Variants in DARS2 observed in about 807,000 individuals in gnomAD.
DARS2 encodes the protein aspartyl-tRNA synthetase 2, mitochondrial, also known as aspartate--tRNA ligase, mitochondrial.
In DARS2, 63 loss-of-function variants were observed where a neutral mutation model predicts 83.0. The observed-to-expected ratio is 0.76, with a 90% confidence interval of 0.62 to 0.94. The LOEUF (loss-of-function observed/expected upper bound fraction) is 0.94. Ranked by LOEUF, DARS2 falls within the 40% of genes least tolerant of loss-of-function variation. The probability of loss-of-function intolerance (pLI) is 0.00; values close to 1 mark genes in which losing one functional copy is unlikely to be tolerated. For synonymous variants in DARS2, 250 were observed against 269.3 expected, an observed-to-expected ratio of 0.93 and a Z score of 0.70; for missense variants, 675 against 774.4, an observed-to-expected ratio of 0.87 and a Z score of 1.52.
intron 6 of DARS2, among the ~76,000 whole-genome samples, chr1:173,834,221 A>C (rs1250596926): frequency 6.6e-6 from 1 of 152,228 alleles, no homozygotes; most frequent in Non-Finnish European, 1.5e-5. Flanking sequence ...ATAGTTCAGT[A>C]GACAAGAATC....
chr1:173,829,355 A>G (rs190153902), intron 3 of DARS2, among the ~76,000 whole-genome samples: 28 of 152,230 alleles, frequency 1.8e-4, no homozygotes, highest in Non-Finnish European at 2.5e-4. Context: ...GCTTTTTACT[A>G]TATCTTTTTG....
At chr1:173,847,265 G>A (rs1653472370) in intron 12 of DARS2, among the ~76,000 whole-genome samples, 2 of 151,932 alleles carry the variant, frequency 1.3e-5, no homozygotes, top group Admixed American at 1.3e-4. Context: ...GATGAAATAT[G>A]TCTTTTCTTT....
At chr1:173,828,994 T>G (rs559102236) in intron 3 of DARS2, among the ~76,000 whole-genome samples, 20 of 151,828 alleles carry the variant, frequency 1.3e-4, no homozygotes, top group Non-Finnish European at 2.8e-4. Flanking sequence ...GCTTAAAAAA[T>G]AATGTATATT....
chr1:173,825,842 G>T (rs906546804), intron 1 of DARS2, among the ~76,000 whole-genome samples: 11 of 150,904 alleles, frequency 7.3e-5, no homozygotes, highest in Non-Finnish European at 1.5e-4. Flanking sequence ...TTATACGGCA[G>T]TTTTTTTTCC....
chr1:173,835,370 C>T (rs996635549), intron 7 of DARS2, among the ~76,000 whole-genome samples: 7 of 150,854 alleles, frequency 4.6e-5, no homozygotes, highest in Admixed American at 3.9e-4. Flanking sequence ...GGATTACAGG[C>T]GTGAGCCACC....
rs1398565684 is a variant in DARS2 at position 173,853,229 on chromosome 1, CCTAT to C, written c.1345-117_1345-114del. On this transcript the variant is annotated intron_variant, in intron 13 of 16. Coordinates refer to ENST00000649689, the MANE Select transcript of DARS2 (RefSeq NM_018122.5). ...TTGTGTCCTGAGAAGCAAAGGGCAT[CCTAT>C]CTGTTAATTGGCTAATCCTTTCCTA... The C allele has an allele frequency of 3.2e-6, 3 of 935,300 alleles. No individual in the cohort carries two copies. The African/African-American group carries it at 4.9e-5, about 15-fold the overall frequency. 57.9% of individuals were successfully genotyped at this position (935,300 alleles called of 1,614,324 possible).
chr1:173,857,000 C>T, intron 16 of DARS2, among the ~76,000 whole-genome samples: 1 of 152,134 alleles, frequency 6.6e-6, no homozygotes, highest in East Asian at 1.9e-4. Context: ...TTCAAATCCC[C>T]ATGGCCTCAC....
chr1:173,857,758 C>T lies in DARS2; in HGVS notation c.*53C>T. 1 of 1,595,908 alleles carries T rather than the reference C, an allele frequency of 6.3e-7. No individual in the cohort carries two copies. The highest frequency in any genetic ancestry group is 1.3e-5 in the African/African-American group (1 of 74,690). ...CTTTTAGGTTTTGTCCTCTTTGCTT[C>T]CCCAAGGCTAAAGTCAGATCTAGAG... On this transcript the variant is annotated 3_prime_UTR_variant, in exon 17 of 17. Transcript: ENST00000649689.
chr1:173,857,448 A>G lies in DARS2; in HGVS notation c.1751-70A>G, dbSNP rs1281737372. ...TATTTAAAAGTTTTCTACAACTTTTATAGAAAAACTAAGTTATTTCCAACA... is the reference window on the plus strand; with the variant it reads ...TATTTAAAAGTTTTCTACAACTTTTGTAGAAAAACTAAGTTATTTCCAACA... On this transcript the variant is annotated intron_variant, in intron 16 of 16. Coordinates refer to ENST00000649689, the MANE Select transcript of DARS2 (RefSeq NM_018122.5). The G allele has an allele frequency of 4.0e-6, 6 of 1,500,518 alleles. No individual in the cohort carries two copies. The South Asian group carries it at 4.6e-5, about 11-fold the overall frequency. 93.0% of individuals were successfully genotyped at this position (1,500,518 alleles called of 1,614,324 possible).
intron 15 of DARS2, among the ~76,000 whole-genome samples, chr1:173,855,496 G>T (rs1653826193): frequency 6.6e-6 from 1 of 152,038 alleles, no homozygotes; most frequent in African/African-American, 2.4e-5. Flanking sequence ...AAAAGATGGA[G>T]TCTCACTCTG....
intron 4 of DARS2, 58 bp from the exon 5 acceptor site, chr1:173,831,477 G>A: frequency 4.2e-6 from 5 of 1,177,538 alleles, no homozygotes; most frequent in Non-Finnish European, 6.4e-6. Context: ...CTACAAATGT[G>A]TATTTTGTGT....
chr1:173,829,128 A>G (rs917889800), intron 3 of DARS2, among the ~76,000 whole-genome samples: 2 of 152,202 alleles, frequency 1.3e-5, no homozygotes, highest in Admixed American at 1.3e-4. Flanking sequence ...TATACAAAAG[A>G]GCAGCTGTTA....
intron 7 of DARS2, among the ~76,000 whole-genome samples, chr1:173,835,863 G>A (rs1249693878): frequency 5.3e-5 from 8 of 152,100 alleles, no homozygotes; most frequent in South Asian, 2.1e-4. Context: ...AGACCCGCCT[G>A]ACCAATATGG....
At chr1:173,831,673 G>A in intron 5 of DARS2, 43 bp downstream of exon 5, 7 of 1,409,648 alleles carry the variant, frequency 5.0e-6, no homozygotes, top group Non-Finnish European at 7.0e-6. Flanking sequence ...TCTAGAAAAT[G>A]TTGATGACTA....
rs372867331 is a variant in DARS2 at position 173,834,781 on chromosome 1, TG to T, written c.663+263del. Reference sequence around the variant, plus strand: ...TTGGTTTGTTTTGGGTTTTTTTTTTTGTTTTTTTTTTTTTTTTGAGACAGTC... The same window carrying T: ...TTGGTTTGTTTTGGGTTTTTTTTTTTTTTTTTTTTTTTTTTTGAGACAGTC... On this transcript the variant is annotated intron_variant, in intron 7 of 16. Transcript: ENST00000649689. 2.2e-3 allele frequency among the ~76,000 whole-genome samples: 213 copies of T among 99,066 alleles called. 5 individuals carry two copies. Among genetic ancestry groups the T allele is most frequent in the African/African-American group, 3.2e-3 (67 of 20,802 alleles). 65.0% of individuals were successfully genotyped at this position (99,066 alleles called of 152,430 possible).
rs1302951047 is a variant in DARS2, at chr1:173,840,971, G to A, written c.1126G>A (p.Ala376Thr). ...TVKAICIPEG[A>T]KYLKRKDIES... The stretch of plus-strand genomic sequence containing the variant: ...GAAAGCCATATGTATCCCTGAAGGA[G>A]CAGTAAGTGAAGTACAGTTCTATGT... Residue 376 changes from alanine to threonine, a missense_variant and splice_region_variant, in exon 11 of 17, where the codon GCA (alanine) becomes ACA (threonine). By Grantham distance (58) the Ala-to-Thr change is moderately conservative. Transcript: ENST00000649689. 3 of 1,568,530 alleles carry A rather than the reference G, an allele frequency of 1.9e-6. No homozygotes were observed. The highest frequency in any genetic ancestry group is 2.7e-5 in the African/African-American group (2 of 73,948).
At chr1:173,825,917 G>A (rs1652519123) in intron 1 of DARS2, among the ~76,000 whole-genome samples, 1 of 151,078 alleles carries the variant, frequency 6.6e-6, no homozygotes, top group South Asian at 2.1e-4. Flanking sequence ...GCTTTTGGTT[G>A]ATGCCTTAAA....
At position 173,830,747 on chromosome 1, in the gene DARS2, G is replaced by C; in HGVS notation, c.382G>C (p.Gly128Arg). 6.2e-7 allele frequency: 1 copy of C among 1,613,798 alleles called. No homozygotes were observed. Among genetic ancestry groups the C allele is most frequent in the Non-Finnish European group, 8.5e-7 (1 of 1,179,728 alleles). Residue 128 changes from glycine (G) to arginine (R), a missense_variant, in exon 4 of 17, where the codon GGA becomes CGA. By Grantham distance (125) the Gly-to-Arg change is moderately radical. Coordinates refer to ENST00000649689, the MANE Select transcript of DARS2 (RefSeq NM_018122.5). ...TGGTACAGTCATTTCCCGTCCTGCAGGACAAGAGAATCCAGTAGGTAGTTT... is the reference window on the plus strand; with the variant it reads ...TGGTACAGTCATTTCCCGTCCTGCACGACAAGAGAATCCAGTAGGTAGTTT... ...VSGTVISRPA[G>R]QENPKMPTGE...
chr1:173,857,544 A>G lies in DARS2; in HGVS notation c.1777A>G (p.Thr593Ala). 6.2e-7 allele frequency: 1 copy of G among 1,614,150 alleles called. No homozygotes were observed. Among genetic ancestry groups the G allele is most frequent in the Non-Finnish European group, 8.5e-7 (1 of 1,180,002 alleles). The change falls in exon 17 of 17, where the codon ACT becomes GCT. Residue 593 changes from threonine (T) to alanine (A), a missense_variant. Thr to Ala is a moderately conservative substitution (Grantham distance 58). Transcript: ENST00000649689. ...GTTAGACAGACTGATATGCCTTGTC[A>G]CTGGATCTCCAAGCATCAGAGATGT... ...LGLDRLICLV[T>A]GSPSIRDVIA...
Sources: allele counts gnomAD v4.1 joint callset (sites outside exome capture counted in the v4.1 genomes callset), GRCh38; gene constraint gnomAD v4.1.1; transcripts MANE v1.5; gene names NCBI Gene and HGNC (gene_info 2026-07-23, HGNC 2026-07-21).